The following PHACTR1 variants were observed in gnomAD, a reference collection of about 807,000 sequenced individuals.
The protein encoded by PHACTR1 is RPEL repeat containing 1.
In PHACTR1, 16 loss-of-function variants were observed where a neutral mutation model predicts 69.2. The observed-to-expected ratio is 0.23, with a 90% CI of 0.16 to 0.35. The LOEUF is 0.35. Ranked by LOEUF, PHACTR1 falls within the 10% of genes least tolerant of loss-of-function variation. PHACTR1 has a pLI of 1.00. For synonymous variants in PHACTR1, 312 were observed against 284.5 expected (o/e 1.10, Z -0.97); for missense variants, 510 against 734.7 (o/e 0.69, Z 3.54).
chr6:13,265,037 TAATAA>T (rs763390113), intron 10 of PHACTR1: 11 of 145,730 alleles, frequency 7.5e-5, no homozygotes, highest in African/African-American at 1.3e-4. Context: ...AAAAAAAAAA[TAATAA>T]AATAAAATAA....
intron 5 of PHACTR1, among the ~76,000 whole-genome samples, chr6:13,133,203 CCCCCT>C: frequency 1.9e-3 from 3 of 1,608 alleles, no homozygotes; most frequent in Non-Finnish European, 3.7e-3. Flanking sequence ...TATTTGGCCT[CCCCCT>C]CCCCCTCCCC....
chr6:12,859,608 T>C (rs530139410), intron 4 of PHACTR1, among the ~76,000 whole-genome samples: 1 of 152,302 alleles, frequency 6.6e-6, no homozygotes, highest in South Asian at 2.1e-4. Flanking sequence ...AAGGGTTTTT[T>C]AAGTAGCAGC....
intron 4 of PHACTR1, among the ~76,000 whole-genome samples, chr6:12,753,097 G>A (rs1490096480): frequency 6.6e-6 from 1 of 152,178 alleles, no homozygotes; most frequent in East Asian, 1.9e-4. Flanking sequence ...TTTCCCCTAA[G>A]GAATTCAAAT....
At chr6:13,042,753 G>T (rs1456952584) in intron 4 of PHACTR1, among the ~76,000 whole-genome samples, 1 of 152,170 alleles carries the variant, frequency 6.6e-6, no homozygotes, top group Admixed American at 6.5e-5. Flanking sequence ...TACCAGAGGA[G>T]ACTTTTCACT....
intron 4 of PHACTR1, among the ~76,000 whole-genome samples, chr6:12,813,155 C>T (rs191982843): frequency 6.6e-6 from 1 of 152,248 alleles, no homozygotes; most frequent in African/African-American, 2.4e-5. Flanking sequence ...AGACAGGAAG[C>T]CCCAATCATC....
chr6:12,718,919 G>A, intron 3 of PHACTR1, 72 bp downstream of exon 3: 1 of 837,142 alleles, frequency 1.2e-6, no homozygotes, highest in Non-Finnish European at 1.8e-6. Flanking sequence ...GTAGGCTGTA[G>A]CTGTTAAAGC....
intron 4 of PHACTR1, among the ~76,000 whole-genome samples, chr6:12,935,327 T>A (rs1358455112): frequency 6.6e-6 from 1 of 152,092 alleles, no homozygotes; most frequent in Admixed American, 6.5e-5. Context: ...CACTGCAACC[T>A]CTCCCTCCCT....
chr6:12,994,048 A>G (rs1279219020), intron 4 of PHACTR1, among the ~76,000 whole-genome samples: 1 of 152,144 alleles, frequency 6.6e-6, no homozygotes, highest in Non-Finnish European at 1.5e-5. Context: ...GAGAATAAAT[A>G]GGAGCCACAG....
intron 3 of PHACTR1, among the ~76,000 whole-genome samples, chr6:12,732,736 C>T (rs757834692): frequency 6.6e-6 from 1 of 152,170 alleles, no homozygotes; most frequent in Non-Finnish European, 1.5e-5. Context: ...AGATTTATTG[C>T]TTTTAATTTT....
intron 4 of PHACTR1, among the ~76,000 whole-genome samples, chr6:12,881,718 T>C (rs1783113434): frequency 6.6e-6 from 1 of 152,132 alleles, no homozygotes; most frequent in East Asian, 1.9e-4. Flanking sequence ...GAAAAGTGTC[T>C]GGAACACAGT....
intron 8 of PHACTR1, among the ~76,000 whole-genome samples, chr6:13,216,091 G>A (rs375943731): frequency 1.3e-5 from 2 of 152,224 alleles, no homozygotes; most frequent in East Asian, 1.9e-4. Context: ...ATTGAAAAAG[G>A]AATCATTTTT....
chr6:13,032,625 T>C (rs1802613637), intron 4 of PHACTR1, among the ~76,000 whole-genome samples: 1 of 152,050 alleles, frequency 6.6e-6, no homozygotes, highest in South Asian at 2.1e-4. Flanking sequence ...ATGAAAGATT[T>C]TTTTTTTTTT....
intron 4 of PHACTR1, among the ~76,000 whole-genome samples, chr6:12,827,171 T>C (rs1005335293): frequency 7.2e-5 from 11 of 152,228 alleles, no homozygotes; most frequent in African/African-American, 2.7e-4. Context: ...AAGGACTTTT[T>C]CTATCTTTTA....
chr6:12,731,954 A>T (rs1561828302), intron 3 of PHACTR1, among the ~76,000 whole-genome samples: 1 of 151,748 alleles, frequency 6.6e-6, no homozygotes, highest in Non-Finnish European at 1.5e-5. Context: ...CTCAGGTTCA[A>T]CTTCTTAAAG....
intron 4 of PHACTR1, among the ~76,000 whole-genome samples, chr6:12,811,475 T>C (rs1775003135): frequency 6.6e-6 from 1 of 152,248 alleles, no homozygotes; most frequent in Non-Finnish European, 1.5e-5. Flanking sequence ...CTTGACACGG[T>C]AGTGGTTACT....
At chr6:12,717,013 A>AT (rs2127550907) in intron 1 of PHACTR1, 117 bp downstream of exon 1, 1 of 152,268 alleles carries the variant, frequency 6.6e-6, no homozygotes, top group East Asian at 1.9e-4. Context: ...CTATGCTATA[A>AT]TATGTCTTTC....
In PHACTR1 at chr6:12,988,792, C is replaced by T. The variant is rs184897961; in HGVS notation, c.251-64573C>T. Among the ~76,000 whole-genome samples the T allele has an allele frequency of 1.7e-3, 257 of 152,342 alleles. 1 individual carries two copies. The highest frequency in any genetic ancestry group is 6.8e-3 in the Middle Eastern group (2 of 294). ...CCAGAGATGCATCACTTAACCAGTC[C>T]GCCTTGCTGCCTCCTGCTGTAAAAT... On this transcript the variant is annotated intron_variant, in intron 4 of 14. Coordinates refer to ENST00000332995, the MANE Select transcript of PHACTR1 (RefSeq NM_030948.6).
chr6:13,259,298 G>A (rs191172475), intron 10 of PHACTR1, among the ~76,000 whole-genome samples: 11 of 152,238 alleles, frequency 7.2e-5, no homozygotes, highest in East Asian at 3.9e-4. Flanking sequence ...GCTCTCAACC[G>A]TCTCACTGTT....
intron 7 of PHACTR1, among the ~76,000 whole-genome samples, chr6:13,198,440 CTGTCTGGAG>C (rs986677324): frequency 1.4e-4 from 21 of 152,322 alleles, no homozygotes; most frequent in South Asian, 6.2e-4. Flanking sequence ...TGTGGAATAA[CTGTCTGGAG>C]TGTCTGGAGT....
Sources: gnomAD v4.1 joint callset for allele counts (sites outside exome capture counted in the v4.1 genomes callset) on GRCh38, gnomAD v4.1.1 for gene constraint, MANE v1.5 for transcripts, NCBI Gene and HGNC (gene_info 2026-07-23, HGNC 2026-07-21) for gene names.